The following TRAT1 variants were observed in gnomAD, a reference collection of about 807,000 sequenced individuals.
The protein encoded by TRAT1 is T-cell receptor-associated transmembrane adapter 1.
A neutral mutation model predicts 20.0 loss-of-function variants in TRAT1; 20 were observed. That is an observed-to-expected ratio of 1.00 (90% confidence interval 0.70 to 1.45). The LOEUF (loss-of-function observed/expected upper bound fraction) is 1.45, where lower values mean the gene tolerates loss of function less well. Among genes scored for constraint, TRAT1 ranks in the 40% most tolerant of loss-of-function variants. The pLI is 0.00. For synonymous variants in TRAT1, 77 were observed against 74.2 expected, an observed-to-expected ratio of 1.04 and a Z score of -0.20; for missense variants, 237 against 224.1, an observed-to-expected ratio of 1.06 and a Z score of -0.37.
intron 1 of TRAT1, among the ~76,000 whole-genome samples, chr3:108,830,359 T>C (rs1945781753): frequency 1.3e-5 from 2 of 152,192 alleles, no homozygotes. Context: ...TTGAATGTTG[T>C]TGATTTTTGA....
intron 2 of TRAT1, among the ~76,000 whole-genome samples, chr3:108,833,440 A>C (rs905449764): frequency 2.0e-5 from 3 of 152,028 alleles, no homozygotes; most frequent in East Asian, 1.9e-4. Flanking sequence ...ACAAAAAAAA[A>C]CCACGTTTTC....
At chr3:108,852,681 A>G (rs1946008084) in intron 5 of TRAT1, among the ~76,000 whole-genome samples, 1 of 152,200 alleles carries the variant, frequency 6.6e-6, no homozygotes, top group Non-Finnish European at 1.5e-5. Flanking sequence ...TTTCATAATT[A>G]TAGTGCTACC....
intron 5 of TRAT1, among the ~76,000 whole-genome samples, chr3:108,851,637 A>T (rs947419314): frequency 6.6e-6 from 1 of 152,002 alleles, no homozygotes; most frequent in African/African-American, 2.4e-5. Context: ...TTAAAAAAAA[A>T]AAAAACACCT....
chr3:108,841,589 G>A (rs1576522377), intron 3 of TRAT1, among the ~76,000 whole-genome samples: 1 of 152,088 alleles, frequency 6.6e-6, no homozygotes, highest in Admixed American at 6.5e-5. Context: ...ATCGCACTGG[G>A]TTCTCTGTTG....
intron 5 of TRAT1, among the ~76,000 whole-genome samples, chr3:108,850,418 C>T (rs1288613663): frequency 6.6e-6 from 1 of 151,938 alleles, no homozygotes; most frequent in African/African-American, 2.4e-5. Context: ...GATTCTCCTG[C>T]CTCAGCCTCC....
intron 1 of TRAT1, among the ~76,000 whole-genome samples, chr3:108,826,175 T>C (rs983154376): frequency 3.9e-5 from 6 of 152,098 alleles, no homozygotes; most frequent in African/African-American, 1.4e-4. Flanking sequence ...GTAGCCTTAA[T>C]GTAACACAGA....
chr3:108,831,172 C>T (rs1224663339), intron 2 of TRAT1, among the ~76,000 whole-genome samples: 1 of 152,160 alleles, frequency 6.6e-6, no homozygotes, highest in African/African-American at 2.4e-5. Flanking sequence ...CCAACTTAAT[C>T]TTCTCAGGAT....
At chr3:108,845,009 G>C (rs1004842719) in intron 3 of TRAT1, among the ~76,000 whole-genome samples, 1 of 152,018 alleles carries the variant, frequency 6.6e-6, no homozygotes, top group Non-Finnish European at 1.5e-5. Context: ...CAGAACAATG[G>C]AGAGTCTGGT....
intron 3 of TRAT1, among the ~76,000 whole-genome samples, chr3:108,844,640 C>G (rs1945923626): frequency 6.6e-6 from 1 of 151,412 alleles, no homozygotes; most frequent in Admixed American, 6.6e-5. Context: ...GTCAGAAAAT[C>G]TAGACTATCC....
intron 1 of TRAT1, among the ~76,000 whole-genome samples, chr3:108,824,870 C>T (rs949794186): frequency 1.3e-5 from 2 of 152,160 alleles, no homozygotes; most frequent in Admixed American, 6.5e-5. Context: ...AGACCAAAGA[C>T]GGTGAATATG....
In TRAT1 at chr3:108,849,487, C is replaced by CT. The variant is rs551951500; in HGVS notation, c.303+234dup. ...TTTTAAGGGAATAATAGGATTATTCCTAAGTAATCTATTAAGCTTTTTCTT... is the reference window on the plus strand; with the variant it reads ...TTTTAAGGGAATAATAGGATTATTCCTTAAGTAATCTATTAAGCTTTTTCTT... On this transcript the variant is annotated intron_variant, in intron 5 of 5. Coordinates refer to ENST00000295756, the MANE Select transcript of TRAT1 (RefSeq NM_016388.4). Among the ~76,000 whole-genome samples, 54 of 152,162 alleles carry CT rather than the reference C, an allele frequency of 3.5e-4. No individual in the cohort carries two copies. In the East Asian group the frequency reaches 0.01, roughly 28 times the overall value.
At chr3:108,836,048 T>C (rs1945837859) in intron 2 of TRAT1, among the ~76,000 whole-genome samples, 1 of 152,068 alleles carries the variant, frequency 6.6e-6, no homozygotes, top group Non-Finnish European at 1.5e-5. Context: ...GCCTCCCGAG[T>C]AGCTGGGACT....
intron 3 of TRAT1, among the ~76,000 whole-genome samples, 177 bp from the exon 4 acceptor site, chr3:108,846,891 C>T (rs1329508019): frequency 6.6e-6 from 1 of 152,178 alleles, no homozygotes; most frequent in Non-Finnish European, 1.5e-5. Context: ...CACAGATACA[C>T]ATACACACAT....
intron 2 of TRAT1, among the ~76,000 whole-genome samples, chr3:108,837,112 T>G (rs1419557339): frequency 6.6e-6 from 1 of 152,208 alleles, no homozygotes; most frequent in African/African-American, 2.4e-5. Flanking sequence ...TTGCTGAACT[T>G]GTGGCTACTA....
In TRAT1 at chr3:108,838,924, T is replaced by A. The variant is rs1265508001; in HGVS notation, c.119-10T>A. On this transcript the variant is annotated splice_polypyrimidine_tract_variant and intron_variant, in intron 2 of 5. Transcript: ENST00000295756. ...TTTCTTTTAACTTGTCTATTTTGAA[T>A]ATCTTTCAGATAAAATGTACAGCTA... is the stretch of plus-strand genomic sequence containing the variant. 3.1e-6 allele frequency: 5 copies of A among 1,598,814 alleles called. No individual in the cohort carries two copies. Among genetic ancestry groups the A allele is most frequent in the African/African-American group, 2.7e-5 (2 of 74,736 alleles).
chr3:108,846,023 T>C (rs1320246496), intron 3 of TRAT1, among the ~76,000 whole-genome samples: 3 of 152,138 alleles, frequency 2.0e-5, no homozygotes, highest in Admixed American at 6.5e-5. Context: ...GACCTGAGGG[T>C]CGGGGAGACA....
chr3:108,831,538 C>CTTTT (rs779234270), intron 2 of TRAT1, among the ~76,000 whole-genome samples: 2 of 132,164 alleles, frequency 1.5e-5, no homozygotes, highest in Admixed American at 7.6e-5. Context: ...TGGAAGGTAT[C>CTTTT]TTTTTTTTTT....
intron 1 of TRAT1, 138 bp downstream of exon 1, chr3:108,823,072 T>G: frequency 1.4e-6 from 1 of 723,338 alleles, no homozygotes; most frequent in South Asian, 2.1e-5. Context: ...GTAATTAAAA[T>G]ATATTTTGAA....
At chr3:108,839,647 G>GAA (rs930849424) in intron 3 of TRAT1, among the ~76,000 whole-genome samples, 11 of 73,156 alleles carry the variant, frequency 1.5e-4, no homozygotes, top group South Asian at 4.0e-4. Context: ...TCTGTCTCAA[G>GAA]AAAAAAAAAA....
Sources: allele counts gnomAD v4.1 joint callset (sites outside exome capture counted in the v4.1 genomes callset), GRCh38; gene constraint gnomAD v4.1.1; transcripts MANE v1.5; gene names NCBI Gene and HGNC (gene_info 2026-07-23, HGNC 2026-07-21).